AFF3: variants seen among roughly 807,000 people sequenced by gnomAD.
AFF3 encodes AF4/FMR2 family member 3.
AFF3 carries 32 observed loss-of-function variants against 129.7 expected under a neutral mutation model. The ratio of observed to expected loss-of-function variants is 0.25; its 90% CI spans 0.19 to 0.33. The LOEUF (loss-of-function observed/expected upper bound fraction) is 0.33. AFF3 is among the 10% of genes least tolerant of loss of function. The pLI, the probability that AFF3 is intolerant of heterozygous loss-of-function variation, is 1.00. For missense variants in AFF3, 1,373 were observed against 1,592.0 expected (o/e 0.86, Z 2.34); for synonymous variants, 644 against 635.4 (o/e 1.01, Z -0.20).
chr2:99,732,755 GGCC>G (rs1679937851), intron 10 of AFF3, among the ~76,000 whole-genome samples: 1 of 152,034 alleles, frequency 6.6e-6, no homozygotes, highest in African/African-American at 2.4e-5. Flanking sequence ...ACTTCCATAT[GGCC>G]AACTTTAGCA....
chr2:99,806,645 C>T (rs1686374650), intron 8 of AFF3, among the ~76,000 whole-genome samples: 1 of 152,162 alleles, frequency 6.6e-6, no homozygotes, highest in Admixed American at 6.5e-5. Flanking sequence ...CCTGGACTAG[C>T]AGACCTACTA....
At chr2:99,652,098 A>C (rs1229104706) in intron 12 of AFF3, among the ~76,000 whole-genome samples, 1 of 152,158 alleles carries the variant, frequency 6.6e-6, no homozygotes, top group African/African-American at 2.4e-5. Flanking sequence ...GTGTCAGTAC[A>C]TATCTGCTGA....
At chr2:99,703,253 T>A (rs565042554) in intron 11 of AFF3, among the ~76,000 whole-genome samples, 3 of 152,148 alleles carry the variant, frequency 2.0e-5, no homozygotes, top group African/African-American at 2.4e-5. Context: ...CCTTTTTCCA[T>A]CTTCAAAGCC....
intron 22 of AFF3, 118 bp downstream of exon 22, chr2:99,558,756 TG>T: frequency 2.2e-6 from 2 of 900,520 alleles, no homozygotes; most frequent in African/African-American, 1.7e-5. Flanking sequence ...GGGGTTACCT[TG>T]GGGACCAGAG....
At chr2:99,704,916 AT>A (rs1481856328) in intron 11 of AFF3, among the ~76,000 whole-genome samples, 1 of 152,170 alleles carries the variant, frequency 6.6e-6, no homozygotes, top group African/African-American at 2.4e-5. Flanking sequence ...AGAGTTAGAG[AT>A]CTCGATCTGG....
rs1689946261 is a variant in AFF3 at position 100,092,516 on chromosome 2, G to C, written c.53+11886C>G. 2.0e-5 allele frequency among the ~76,000 whole-genome samples: 3 copies of C among 152,084 alleles called. No homozygotes were observed. In the South Asian group the frequency reaches 6.2e-4, roughly 32 times the overall value. ...CTCCCCTGCTTAAAGCCCTCATGCA[G>C]GCCATCACCTACTGGAAAATGTTTG... On this transcript the variant is annotated intron_variant, in intron 4 of 24. Transcript: ENST00000672756.
At chr2:100,082,564 A>G (rs988990618) in intron 4 of AFF3, among the ~76,000 whole-genome samples, 6 of 152,234 alleles carry the variant, frequency 3.9e-5, no homozygotes, top group African/African-American at 1.4e-4. Context: ...ATCCTGCCTC[A>G]GCAACAAAAA....
intron 7 of AFF3, among the ~76,000 whole-genome samples, chr2:99,919,408 G>A (rs192959585): frequency 2.0e-5 from 3 of 152,070 alleles, no homozygotes; most frequent in East Asian, 3.9e-4. Flanking sequence ...ATGGGTTGTC[G>A]AATACGGGAT....
At chr2:99,890,450 G>A (rs1464758835) in intron 7 of AFF3, among the ~76,000 whole-genome samples, 1 of 152,146 alleles carries the variant, frequency 6.6e-6, no homozygotes, top group African/African-American at 2.4e-5. Context: ...AAATGATTGA[G>A]ATACATGCAT....
intron 2 of AFF3, among the ~76,000 whole-genome samples, chr2:100,112,886 A>G (rs116398129): frequency 1.3e-5 from 2 of 152,152 alleles, no homozygotes; most frequent in Admixed American, 6.5e-5. Context: ...CAAAGCTCCT[A>G]CTCACCTGTG....
intron 11 of AFF3, among the ~76,000 whole-genome samples, chr2:99,697,902 T>C (rs1676451691): frequency 6.6e-6 from 1 of 152,230 alleles, no homozygotes. Context: ...AGTGAACAAA[T>C]ACCTGACTTT....
intron 7 of AFF3, among the ~76,000 whole-genome samples, chr2:99,873,244 T>C (rs765264187): frequency 6.6e-6 from 1 of 152,248 alleles, no homozygotes; most frequent in African/African-American, 2.4e-5. Flanking sequence ...AACTGGCATT[T>C]TTTAAAAACT....
chr2:99,656,104 C>T (rs571145479), intron 12 of AFF3, among the ~76,000 whole-genome samples: 8 of 152,230 alleles, frequency 5.3e-5, no homozygotes, highest in Non-Finnish European at 1.2e-4. Context: ...GTTAAAGTTG[C>T]CTACAAGATG....
chr2:99,649,478 G>A, intron 13 of AFF3, 148 bp downstream of exon 13: 1 of 845,680 alleles, frequency 1.2e-6, no homozygotes, highest in Non-Finnish European at 1.9e-6. Flanking sequence ...CTCCACACAT[G>A]CATGATAAAT....
chr2:99,725,082 T>G (rs1473231514), intron 11 of AFF3, among the ~76,000 whole-genome samples: 1 of 152,002 alleles, frequency 6.6e-6, no homozygotes, highest in African/African-American at 2.4e-5. Flanking sequence ...GTGATTCTCC[T>G]GACTCAGCCA....
chr2:99,622,382 A>T (rs1682108987), intron 13 of AFF3, among the ~76,000 whole-genome samples: 1 of 152,246 alleles, frequency 6.6e-6, no homozygotes, highest in Non-Finnish European at 1.5e-5. Context: ...TGTCAAAGCC[A>T]GGCCTTTGTT....
chr2:100,032,058 A>G (rs1172872933), intron 4 of AFF3, among the ~76,000 whole-genome samples: 1 of 152,200 alleles, frequency 6.6e-6, no homozygotes, highest in Non-Finnish European at 1.5e-5. Context: ...AATGTACCAA[A>G]CAAGTAGACT....
At position 99,591,914 on chromosome 2, in the gene AFF3, T is replaced by C. The variant is rs78668009; in HGVS notation, c.2466+1281A>G. 3.9e-3 allele frequency among the ~76,000 whole-genome samples: 590 copies of C among 152,304 alleles called. 10 individuals carry two copies. The highest frequency in any genetic ancestry group is 0.014 in the African/African-American group (564 of 41,576). ...TGACAATATTTGCCTCATAAAGTTA[T>C]AAGGATGAAATGATTTAACATGTAT... On this transcript the variant is annotated intron_variant, in intron 15 of 24. Coordinates refer to ENST00000672756, the MANE Select transcript of AFF3 (RefSeq NM_001386135.1).
chr2:99,962,016 C>T, intron 7 of AFF3, among the ~76,000 whole-genome samples: 1 of 152,172 alleles, frequency 6.6e-6, no homozygotes, highest in Admixed American at 6.5e-5. Context: ...AGGAAGGGTT[C>T]TCCTTCCCTA....
Sources: allele counts gnomAD v4.1 joint callset (sites outside exome capture counted in the v4.1 genomes callset), GRCh38; gene constraint gnomAD v4.1.1; transcripts MANE v1.5; gene names NCBI Gene and HGNC (gene_info 2026-07-23, HGNC 2026-07-21).